CCDC187: variants seen among roughly 807,000 people sequenced by gnomAD.
The protein encoded by CCDC187 is coiled-coil domain-containing protein 187.
In CCDC187, 32 loss-of-function variants were observed where a neutral mutation model predicts 38.0. That is an observed-to-expected ratio of 0.84 (90% CI 0.64 to 1.13). CCDC187 has a LOEUF of 1.13. Among genes scored for constraint, CCDC187 ranks in the 50% most tolerant of loss-of-function variants. CCDC187 has a pLI of 0.00. For missense variants in CCDC187, 707 were observed against 786.8 expected, an observed-to-expected ratio of 0.90 and a Z score of 1.21; for synonymous variants, 333 against 347.9, an observed-to-expected ratio of 0.96 and a Z score of 0.48.
chr9:136,281,065 C>G (rs1235048481), intron 10 of CCDC187: 11 of 234,538 alleles, frequency 4.7e-5, no homozygotes, highest in Non-Finnish European at 9.0e-5. Flanking sequence ...TCCAGCTGCC[C>G]TGCCAAGCCC....
rs986056448 is a variant in CCDC187, at chr9:136,250,567, A to G, written c.*3027T>C. On this transcript the variant is annotated 3_prime_UTR_variant, in exon 26 of 26. Coordinates refer to ENST00000638797, the MANE Select transcript of CCDC187 (RefSeq NM_001378188.1). The stretch of plus-strand genomic sequence containing the variant: ...AATGGAAAAAAATAAAAAATCACAG[A>G]CTAATTTGTTCAGAAGACTAGAAGG... 5.7e-6 allele frequency: 2 copies of G among 350,460 alleles called. No individual in the cohort carries two copies. Among genetic ancestry groups the G allele is most frequent in the Non-Finnish European group, 1.1e-5 (2 of 176,330 alleles). 21.7% of individuals were successfully genotyped at this position (350,460 alleles called of 1,614,324 possible). A position where few individuals can be genotyped will look rare whatever the true frequency, so the allele number is the denominator to read the frequency against.
Position 136,291,507 on chromosome 9 carries a change from T to C in CCDC187, c.1106A>G (p.Gln369Arg), listed in dbSNP as rs1192149362. ...LASFDQPATI[Q>R]TAMAILQDLR... ...GTCTTGTAGGATGGCCATGGCCGTC[T>C]GTATGGTCGCTGGCTGGTCGAAGGA... Residue 369 changes from glutamine (Q) to arginine (R), a missense_variant, in exon 6 of 26, where the codon CAG (glutamine) becomes CGG (arginine). Transcript: ENST00000638797. The C allele has an allele frequency of 2.5e-6, 1 of 398,680 alleles. No homozygotes were observed. The highest frequency in any genetic ancestry group is 4.4e-6 in the Non-Finnish European group (1 of 226,124). The allele number at this position is 398,680 out of a possible 1,614,324, so 24.7% of individuals were successfully genotyped here. A position where few individuals can be genotyped will look rare whatever the true frequency, so the allele number is the denominator to read the frequency against.
intron 9 of CCDC187, among the ~76,000 whole-genome samples, chr9:136,283,163 C>A (rs1052176085): frequency 1.3e-5 from 2 of 152,280 alleles, no homozygotes; most frequent in South Asian, 4.1e-4. Flanking sequence ...GCGGGAGAAT[C>A]GCTTGAACTT....
In CCDC187 at chr9:136,291,079, G is replaced by A. The variant is rs1489353669; in HGVS notation, c.1534C>T (p.Pro512Ser). The change falls in exon 6 of 26, where the codon CCC (proline) becomes TCC (serine). Residue 512 changes from proline to serine, a missense_variant. Coordinates refer to ENST00000638797, the MANE Select transcript of CCDC187 (RefSeq NM_001378188.1). Reference protein sequence around the residue: ...QRAWGAQRQGPSSQRPGSPPE... With the variant: ...QRAWGAQRQGSSSQRPGSPPE... ...GGGCTCCCAGGCCTCTGGGAGGAGG[G>A]GCCCTGTCTTTGGGCCCCCCAGGCC... 3 of 398,536 alleles carry A rather than the reference G, an allele frequency of 7.5e-6. No homozygotes were observed. Among genetic ancestry groups the A allele is most frequent in the Non-Finnish European group, 1.3e-5 (3 of 226,146 alleles). The allele number at this position is 398,536 out of a possible 1,614,324, so 24.7% of individuals were successfully genotyped here.
In CCDC187 at chr9:136,258,961, C is replaced by A. The variant is rs117862190; in HGVS notation, c.4337G>T (p.Arg1446Met). The change falls in exon 22 of 26, where the codon AGG (arginine) becomes ATG (methionine). Residue 1446 changes from arginine to methionine, a missense_variant. Coordinates refer to ENST00000638797, the MANE Select transcript of CCDC187 (RefSeq NM_001378188.1). This position sits in a 1 kb window ranked among gnomAD's most constrained non-coding sequence, Gnocchi z 4.3. Reference protein sequence around the residue: ...AEGRLPTAQCRSREVKEPPPG... With the variant: ...AEGRLPTAQCMSREVKEPPPG... The stretch of plus-strand genomic sequence containing the variant: ...GGGTGGCTCCTTCACCTCCCGAGAC[C>A]TGCACTGAGCTGTGGGGAGGCGCCC... 367 of 985,672 alleles carry A rather than the reference C, an allele frequency of 3.7e-4. 6 individuals carry two copies. In the East Asian group the frequency reaches 0.025, roughly 68 times the overall value. The allele number at this position is 985,672 out of a possible 1,614,324, so 61.1% of individuals were successfully genotyped here.
upstream of CCDC187, among the ~76,000 whole-genome samples, chr9:136,305,069 GCCACGGGCATCCAGGGCACAGA>G (rs1385643362): frequency 6.6e-6 from 1 of 152,240 alleles, no homozygotes. Context: ...GGCAGGCACA[GCCACGGGCATCCAGGGCACAGA>G]GGCTGAGCCA....
chr9:136,305,596 G>T (rs1831790267), upstream of CCDC187, among the ~76,000 whole-genome samples: 1 of 152,208 alleles, frequency 6.6e-6, no homozygotes, highest in Non-Finnish European at 1.5e-5. Flanking sequence ...CAGGGGCAGG[G>T]TCCTCCTGAG....
In CCDC187 at chr9:136,262,449, T is replaced by C. The variant is rs956660892; in HGVS notation, c.3926A>G (p.Lys1309Arg). The change falls in exon 19 of 26, where the codon AAA (lysine) becomes AGA (arginine). Residue 1309 changes from lysine (K) to arginine (R), a missense_variant. Transcript: ENST00000638797. ...GCCTCCCTCCCAGGCGGCCTTGACTTTGGGGCTGGAACCCTGTAAGAAATG... is the reference window on the plus strand; with the variant it reads ...GCCTCCCTCCCAGGCGGCCTTGACTCTGGGGCTGGAACCCTGTAAGAAATG... Reference protein sequence around the residue: ...QAKLQQGSSPKVKAAWEGGSE... With the variant: ...QAKLQQGSSPRVKAAWEGGSE... 8 of 985,648 alleles carry C rather than the reference T, an allele frequency of 8.1e-6. No individual in the cohort carries two copies. In the African/African-American group the frequency reaches 1.4e-4, roughly 17 times the overall value. 61.1% of individuals were successfully genotyped at this position (985,648 alleles called of 1,614,324 possible).
chr9:136,270,665 A>C (rs1307381140), intron 14 of CCDC187, among the ~76,000 whole-genome samples: 2 of 152,188 alleles, frequency 1.3e-5, no homozygotes, highest in Non-Finnish European at 2.9e-5. Flanking sequence ...AACCTCCCAC[A>C]AGAAGCTGGT....
In CCDC187 at chr9:136,256,091, G is replaced by A. The variant is rs751550723; in HGVS notation, c.4616+120C>T. On this transcript the variant is annotated intron_variant, in intron 24 of 25. Coordinates refer to ENST00000638797, the MANE Select transcript of CCDC187 (RefSeq NM_001378188.1). ...CAGGGTGGGTGCAGGGCTGTGCCCC[G>A]GCAGCACAGGTGTGCCAGGAGAGAG... The A allele has an allele frequency of 2.3e-5, 10 of 426,124 alleles. No homozygotes were observed. The South Asian group carries it at 3.9e-4, about 17-fold the overall frequency. The allele number at this position is 426,124 out of a possible 1,614,324, so 26.4% of individuals were successfully genotyped here.
At chr9:136,284,623 T>C (rs1831128203) in intron 9 of CCDC187, among the ~76,000 whole-genome samples, 1 of 151,622 alleles carries the variant, frequency 6.6e-6, no homozygotes, top group African/African-American at 2.4e-5. Context: ...AGGGCACTGC[T>C]GGCCAGGAGG....
intron 14 of CCDC187, among the ~76,000 whole-genome samples, chr9:136,273,883 A>G (rs1489084279): frequency 6.6e-6 from 1 of 152,224 alleles, no homozygotes; most frequent in African/African-American, 2.4e-5. Flanking sequence ...AAGTCACCGC[A>G]TCTGCCATGA....
chr9:136,283,426 C>A (rs895087250), intron 9 of CCDC187, among the ~76,000 whole-genome samples: 6 of 152,246 alleles, frequency 3.9e-5, no homozygotes, highest in South Asian at 2.1e-4. Context: ...AACGGACAGG[C>A]CAGGCCCCTT....
Position 136,251,084 on chromosome 9 carries a change from C to A in CCDC187, c.*2510G>T, listed in dbSNP as rs1190493722. On this transcript the variant is annotated 3_prime_UTR_variant, in exon 26 of 26. Coordinates refer to ENST00000638797, the MANE Select transcript of CCDC187 (RefSeq NM_001378188.1). The stretch of plus-strand genomic sequence containing the variant: ...ATGCTCCTCTCTGAAGTGGAGGAGG[C>A]CTGAGGCCCTGGACAGGAGAAGCCA... 1 of 453,080 alleles carries A rather than the reference C, an allele frequency of 2.2e-6. No homozygotes were observed. Among genetic ancestry groups the A allele is most frequent in the African/African-American group, 2.0e-5 (1 of 50,008 alleles). The allele number at this position is 453,080 out of a possible 1,614,324, so 28.1% of individuals were successfully genotyped here. A position where few individuals can be genotyped will look rare whatever the true frequency, so the allele number is the denominator to read the frequency against.
At chr9:136,276,608 C>G (rs1484107606) in intron 11 of CCDC187, 43 bp downstream of exon 11, 1 of 152,090 alleles carries the variant, frequency 6.6e-6, no homozygotes, top group Non-Finnish European at 1.5e-5. Flanking sequence ...CGGCTCACCA[C>G]CTAGCAGAAA....
chr9:136,293,486 A>AC (rs1831429788), intron 4 of CCDC187, among the ~76,000 whole-genome samples: 1 of 51,810 alleles, frequency 1.9e-5, no homozygotes, highest in Non-Finnish European at 4.2e-5. Flanking sequence ...CACACTCACA[A>AC]ACACATGCTC....
chr9:136,263,513 C>T lies in CCDC187; in HGVS notation c.3912+109G>A, dbSNP rs938272387. 5.5e-5 allele frequency: 44 copies of T among 800,224 alleles called. No individual in the cohort carries two copies. The African/African-American group carries it at 6.2e-4, about 11-fold the overall frequency. 49.6% of individuals were successfully genotyped at this position (800,224 alleles called of 1,614,324 possible). A position where few individuals can be genotyped will look rare whatever the true frequency, so the allele number is the denominator to read the frequency against. Reference sequence around the variant, plus strand: ...CCTCCCAAAGTGCTGGGATTACAGGCGTGAGACACCGCGCCCGGCCCACAG... The same window carrying T: ...CCTCCCAAAGTGCTGGGATTACAGGTGTGAGACACCGCGCCCGGCCCACAG... On this transcript the variant is annotated intron_variant, in intron 18 of 25. Transcript: ENST00000638797.
chr9:136,260,813 C>T (rs1830670249), intron 19 of CCDC187, among the ~76,000 whole-genome samples: 1 of 152,214 alleles, frequency 6.6e-6, no homozygotes, highest in Non-Finnish European at 1.5e-5. Flanking sequence ...GCCCTAAGGG[C>T]CTGGAAACCC....
Position 136,263,624 on chromosome 9 carries a change from G to A in CCDC187, c.3910C>T (p.Gln1304Ter). Residue 1304 changes from glutamine to a stop codon, truncating the protein, a stop_gained and splice_region_variant, in exon 18 of 26, where the codon CAG (glutamine) becomes TAG (stop). Coordinates refer to ENST00000638797, the MANE Select transcript of CCDC187 (RefSeq NM_001378188.1). LOFTEE classifies it high-confidence loss of function. ...HELQAQAKLQQGSSPKVKAAW... is the reference protein window; with the variant it reads ...HELQAQAKLQ ...CCAGCCCAGGCGAGAGCACCCACCT[G>A]CTGCAGCTTGGCCTGGGCCTGCAGC... 1.0e-6 allele frequency: 1 copy of A among 985,466 alleles called. No homozygotes were observed. The highest frequency in any genetic ancestry group is 1.2e-6 in the Non-Finnish European group (1 of 829,936). The allele number at this position is 985,466 out of a possible 1,614,324, so 61.0% of individuals were successfully genotyped here.
Sources: gnomAD v4.1 joint callset for allele counts (sites outside exome capture counted in the v4.1 genomes callset) on GRCh38, gnomAD v4.1.1 for gene constraint, Gnocchi (gnomAD v3.1) non-coding constraint, MANE v1.5 for transcripts, NCBI Gene and HGNC (gene_info 2026-07-23, HGNC 2026-07-21) for gene names.